Variants in MAP4 observed in about 807,000 individuals in gnomAD.
MAP4 encodes microtubule-associated protein 4.
In MAP4, 76 loss-of-function variants were observed where a neutral mutation model predicts 170.2. The ratio of observed to expected loss-of-function variants is 0.45; its 90% CI spans 0.37 to 0.54. The LOEUF is 0.54. MAP4 is among the 20% of genes least tolerant of loss of function. The pLI is 0.00. For missense variants in MAP4, 2,506 were observed against 2,748.0 expected (o/e 0.91, Z 1.97); for synonymous variants, 909 against 994.5 (o/e 0.91, Z 1.62).
In MAP4 at chr3:47,852,725, G is replaced by A. The variant is rs2045017721; in HGVS notation, c.*209C>T. On this transcript the variant is annotated 3_prime_UTR_variant, in exon 21 of 21. Coordinates refer to ENST00000683076, the MANE Select transcript of MAP4 (RefSeq NM_001385682.1). Reference sequence around the variant, plus strand: ...TGGGGCAGGGCTGCTGCTGCCCCGGGCACGCAAAGCAGGAGGGAAGGCGAG... The same window carrying A: ...TGGGGCAGGGCTGCTGCTGCCCCGGACACGCAAAGCAGGAGGGAAGGCGAG... The A allele has an allele frequency of 2.0e-6, 3 of 1,519,004 alleles. No individual in the cohort carries two copies. Among genetic ancestry groups the A allele is most frequent in the Non-Finnish European group, 2.6e-6 (3 of 1,135,744 alleles). The allele number at this position is 1,519,004 out of a possible 1,614,324, so 94.1% of individuals were successfully genotyped here. A position where few individuals can be genotyped will look rare whatever the true frequency, so the allele number is the denominator to read the frequency against.
intron 1 of MAP4, among the ~76,000 whole-genome samples, chr3:48,061,490 A>G (rs2100135240): frequency 6.6e-6 from 1 of 152,134 alleles, no homozygotes; most frequent in African/African-American, 2.4e-5. Flanking sequence ...TCGTTCACTC[A>G]GTGCTCAATG....
intron 3 of MAP4, among the ~76,000 whole-genome samples, chr3:47,956,121 A>G (rs1377058144): frequency 3.9e-5 from 6 of 152,094 alleles, no homozygotes; most frequent in Non-Finnish European, 7.4e-5. Context: ...TATCCAACCT[A>G]TGTAGTCTAG....
intron 6 of MAP4, 90 bp downstream of exon 6, chr3:47,918,629 C>A: frequency 2.0e-6 from 2 of 992,640 alleles, no homozygotes; most frequent in East Asian, 2.5e-5. Flanking sequence ...TTTATACCTG[C>A]TGTAAGCTGC....
intron 3 of MAP4, among the ~76,000 whole-genome samples, chr3:47,970,981 C>T (rs2100078354): frequency 6.6e-6 from 1 of 152,130 alleles, no homozygotes; most frequent in South Asian, 2.1e-4. Context: ...AGTCCATGAG[C>T]TGGTTTCAAT....
intron 1 of MAP4, among the ~76,000 whole-genome samples, chr3:48,023,153 T>C (rs1463241943): frequency 2.6e-5 from 4 of 152,020 alleles, no homozygotes; most frequent in Non-Finnish European, 5.9e-5. Flanking sequence ...GTGCAAATGG[T>C]ATATGAAAAA....
At chr3:47,959,459 A>G (rs893538532) in intron 3 of MAP4, among the ~76,000 whole-genome samples, 33 of 138,348 alleles carry the variant, frequency 2.4e-4, no homozygotes, top group South Asian at 4.6e-4. Flanking sequence ...TTTTCAAGGG[A>G]AAAAAAAAAA....
intron 10 of MAP4, among the ~76,000 whole-genome samples, chr3:47,881,237 C>T (rs759278105): frequency 1.1e-4 from 16 of 151,172 alleles, no homozygotes; most frequent in Non-Finnish European, 1.8e-4. Flanking sequence ...TCACTTGAGG[C>T]CAGCAGTTTG....
In MAP4 at chr3:47,916,132, G is replaced by C. The variant is rs750391150; in HGVS notation, c.1695C>G (p.Thr565=). The C allele has an allele frequency of 1.9e-6, 3 of 1,614,184 alleles. No homozygotes were observed. ...TGGCTGGAGTCACATTGTTGGCCAG[G>C]GTCAGAACCCCATCCTTAGCCAGGG... The part of the protein sequence containing the change: ...EAPLAKDGVL[T]LANNVTPAKD... Residue 565 remains threonine (T), a synonymous_variant, in exon 7 of 21, where the codon ACC becomes ACG. Transcript: ENST00000683076.
At position 48,057,786 on chromosome 3, in the gene MAP4, G is replaced by A. The variant is rs573802299; in HGVS notation, c.-20+30987C>T. ...ATGTCAATACCCTGGTTGTGATATT[G>A]TACCATGATTCTGCAAGAAATTTCC... On this transcript the variant is annotated intron_variant, in intron 1 of 18. Coordinates refer to the MAP4 transcript ENST00000360240. Among the ~76,000 whole-genome samples the A allele has an allele frequency of 3.3e-5, 5 of 152,194 alleles. No individual in the cohort carries two copies. The South Asian group carries it at 8.3e-4, about 25-fold the overall frequency.
intron 3 of MAP4, among the ~76,000 whole-genome samples, chr3:47,968,998 C>T (rs1036652285): frequency 4.6e-5 from 7 of 152,070 alleles, no homozygotes; most frequent in Non-Finnish European, 2.9e-5. Context: ...ATGAAATGAA[C>T]AAATTTCTAG....
At chr3:47,966,634 C>G (rs1007352504) in intron 3 of MAP4, among the ~76,000 whole-genome samples, 16 of 152,086 alleles carry the variant, frequency 1.1e-4, no homozygotes, top group Admixed American at 7.9e-4. Flanking sequence ...TCTCACTTGG[C>G]CTCCCAAAGC....
chr3:47,981,048 C>T (rs2154290620), intron 2 of MAP4, among the ~76,000 whole-genome samples: 1 of 152,184 alleles, frequency 6.6e-6, no homozygotes, highest in Non-Finnish European at 1.5e-5. Flanking sequence ...TTCTGCAATA[C>T]TCAACTCAAC....
At chr3:48,018,919 C>T (rs1448513303), upstream of MAP4, among the ~76,000 whole-genome samples, 1 of 152,158 alleles carries the variant, frequency 6.6e-6, no homozygotes, top group East Asian at 1.9e-4. Context: ...AAGGAGTAAC[C>T]GTACGAACCA....
chr3:47,859,860 A>G (rs2062824459), intron 17 of MAP4, among the ~76,000 whole-genome samples: 1 of 152,252 alleles, frequency 6.6e-6, no homozygotes, highest in African/African-American at 2.4e-5. Flanking sequence ...TTTAGGATAC[A>G]GCACAGATAC....
intron 1 of MAP4, among the ~76,000 whole-genome samples, chr3:48,086,137 C>T (rs546507497): frequency 5.9e-5 from 9 of 151,566 alleles, no homozygotes; most frequent in African/African-American, 1.5e-4. Flanking sequence ...TGTGTGTGCA[C>T]GTATATACAC....
chr3:48,055,390 G>C (rs2100130496), intron 1 of MAP4, among the ~76,000 whole-genome samples: 1 of 152,106 alleles, frequency 6.6e-6, no homozygotes, highest in Admixed American at 6.5e-5. Flanking sequence ...GGTTTTGGTG[G>C]AGACGGGGTT....
In MAP4 at chr3:47,910,957, T is replaced by C; in HGVS notation, c.3464A>G (p.Gln1155Arg). ...TCCACTTTCCAAAGGAATCAATGCC[T>C]GCATGGTGCCTGCCACCTTAGGCTG... ...MTQPKVAGTMQALIPLESGSG... is the reference protein window; with the variant it reads ...MTQPKVAGTMRALIPLESGSG... Residue 1155 changes from glutamine to arginine, a missense_variant, in exon 9 of 21, where the codon CAG becomes CGG. By Grantham distance (43) the Gln-to-Arg change is conservative (BLOSUM62 1). Transcript: ENST00000683076. 2.6e-6 allele frequency: 4 copies of C among 1,536,190 alleles called. No individual in the cohort carries two copies. In the South Asian group the frequency reaches 4.8e-5, roughly 18 times the overall value.
intron 3 of MAP4, among the ~76,000 whole-genome samples, chr3:47,939,190 G>A (rs1453143985): frequency 6.6e-5 from 10 of 152,118 alleles, no homozygotes; most frequent in Non-Finnish European, 1.5e-4. Context: ...TGACTTTAAT[G>A]CTCATTTTCC....
At chr3:47,893,240 G>C (rs2100025025) in intron 10 of MAP4, among the ~76,000 whole-genome samples, 2 of 152,136 alleles carry the variant, frequency 1.3e-5, no homozygotes, top group Admixed American at 6.5e-5. Context: ...AGTGATCAGG[G>C]CTTTGGGGAT....
Sources: allele counts gnomAD v4.1 joint callset (sites outside exome capture counted in the v4.1 genomes callset), GRCh38; gene constraint gnomAD v4.1.1; transcripts MANE v1.5; gene names NCBI Gene and HGNC (gene_info 2026-07-23, HGNC 2026-07-21).